Variants in NRXN3 observed in about 807,000 individuals in gnomAD.
The protein encoded by NRXN3 is neurexin 3.
NRXN3 carries 32 observed loss-of-function variants against 137.6 expected under a neutral mutation model. The ratio of observed to expected loss-of-function variants is 0.23; its 90% CI spans 0.18 to 0.31. The LOEUF is 0.31. NRXN3 is among the 10% of genes least tolerant of loss of function. NRXN3 has a pLI of 1.00. For synonymous variants in NRXN3, 798 were observed against 784.5 expected (o/e 1.02, Z -0.29); for missense variants, 1,574 against 2,062.5 (o/e 0.76, Z 4.59).
chr14:78,378,217 G>T (rs2088271813), intron 4 of NRXN3, among the ~76,000 whole-genome samples: 1 of 152,182 alleles, frequency 6.6e-6, no homozygotes, highest in South Asian at 2.1e-4. Context: ...GGGAACGGTG[G>T]CTCACGCCTA....
chr14:78,721,936 C>CTT (rs1347232507), intron 8 of NRXN3, among the ~76,000 whole-genome samples: 1 of 145,014 alleles, frequency 6.9e-6, no homozygotes, highest in African/African-American at 2.8e-5. Context: ...CAGATTCAGC[C>CTT]TCTTTTTTTT....
intron 1 of NRXN3, among the ~76,000 whole-genome samples, chr14:78,173,110 A>G (rs970234878): frequency 6.6e-6 from 1 of 151,914 alleles, no homozygotes; most frequent in African/African-American, 2.4e-5. Context: ...TTTGGGTGGT[A>G]GGGGATGAGA....
intron 15 of NRXN3, among the ~76,000 whole-genome samples, chr14:79,306,136 G>A (rs2086020354): frequency 6.6e-6 from 1 of 152,096 alleles, no homozygotes; most frequent in Non-Finnish European, 1.5e-5. Flanking sequence ...GAGCTTCTCT[G>A]TGAGCTGGGA....
In NRXN3 at chr14:78,212,901, TA is replaced by T. The variant is rs150095910; in HGVS notation, c.-703-29482del. ...ATACCAAAAACAAAACAAAATGAAA[TA>T]AAAAAAAGTGGAGCTTTTCTGGTTA... On this transcript the variant is annotated intron_variant, in intron 1 of 20. Coordinates refer to ENST00000335750, the MANE Select transcript of NRXN3 (RefSeq NM_001330195.2). Among the ~76,000 whole-genome samples, 707 of 151,948 alleles carry T rather than the reference TA, an allele frequency of 4.7e-3. 16 individuals are homozygous for T. The East Asian group carries it at 0.087, about 19-fold the overall frequency.
intron 16 of NRXN3, among the ~76,000 whole-genome samples, chr14:79,530,831 A>G (rs2153718806): frequency 6.6e-6 from 1 of 152,310 alleles, no homozygotes; most frequent in African/African-American, 2.4e-5. Context: ...TAGGTACAGC[A>G]TTATCAAACC....
rs115743123 is a variant in NRXN3 at position 78,347,501 on chromosome 14, G to A, written c.757+49641G>A. Among the ~76,000 whole-genome samples, 677 of 152,240 alleles carry A rather than the reference G, an allele frequency of 4.4e-3. 8 individuals are homozygous for A. Among genetic ancestry groups the A allele is most frequent in the African/African-American group, 0.015 (641 of 41,546 alleles). Reference sequence around the variant, plus strand: ...GACAATGTATACTTTCTAAGCTGTTGCCACGCTGAAATTTCCCCTTCATTC... The same window carrying A: ...GACAATGTATACTTTCTAAGCTGTTACCACGCTGAAATTTCCCCTTCATTC... On this transcript the variant is annotated intron_variant, in intron 4 of 20. Transcript: ENST00000335750.
chr14:79,615,869 A>G (rs898482874), intron 16 of NRXN3, among the ~76,000 whole-genome samples: 1 of 152,206 alleles, frequency 6.6e-6, no homozygotes, highest in Admixed American at 6.5e-5. Flanking sequence ...AATCATATCA[A>G]TGTATTAAAA....
chr14:78,816,091 A>G (rs2153110902), intron 10 of NRXN3, among the ~76,000 whole-genome samples: 1 of 152,304 alleles, frequency 6.6e-6, no homozygotes, highest in Non-Finnish European at 1.5e-5. Flanking sequence ...AAGTGTAACA[A>G]TATTTATCGT....
intron 8 of NRXN3, among the ~76,000 whole-genome samples, chr14:78,728,024 T>G (rs185768192): frequency 6.6e-6 from 1 of 152,306 alleles, no homozygotes; most frequent in Admixed American, 6.5e-5. Flanking sequence ...TCAAAGTGAT[T>G]ATATAACTTG....
chr14:78,529,561 A>G (rs1230868273), intron 4 of NRXN3, among the ~76,000 whole-genome samples: 2 of 152,192 alleles, frequency 1.3e-5, no homozygotes, highest in Non-Finnish European at 2.9e-5. Flanking sequence ...ACCTATCCAT[A>G]GAACCTCCTT....
intron 10 of NRXN3, among the ~76,000 whole-genome samples, chr14:78,884,935 G>A (rs982358147): frequency 9.3e-5 from 14 of 150,820 alleles, no homozygotes; most frequent in East Asian, 2.1e-4. Context: ...GTATTAAAGC[G>A]TACCTGACAC....
chr14:78,313,032 G>C (rs754780978), intron 4 of NRXN3, among the ~76,000 whole-genome samples: 1 of 152,184 alleles, frequency 6.6e-6, no homozygotes, highest in Non-Finnish European at 1.5e-5. Flanking sequence ...ATCAGCTACT[G>C]TAGAAATAAA....
At chr14:78,996,838 T>A (rs1164003418) in intron 15 of NRXN3, among the ~76,000 whole-genome samples, 7 of 152,108 alleles carry the variant, frequency 4.6e-5, no homozygotes, top group Non-Finnish European at 1.0e-4. Flanking sequence ...GCATCTGTTT[T>A]TATTCTCGGG....
At chr14:79,538,949 G>A (rs1248905676) in intron 16 of NRXN3, among the ~76,000 whole-genome samples, 1 of 152,146 alleles carries the variant, frequency 6.6e-6, no homozygotes, top group African/African-American at 2.4e-5. Flanking sequence ...TGTTTATAAA[G>A]TGACCCTGTG....
intron 10 of NRXN3, among the ~76,000 whole-genome samples, chr14:78,824,056 G>A (rs942778789): frequency 7.3e-5 from 11 of 150,624 alleles, no homozygotes; most frequent in South Asian, 4.2e-4. Flanking sequence ...TCTGGTTGTG[G>A]CCTCAGGTGA....
intron 4 of NRXN3, among the ~76,000 whole-genome samples, chr14:78,525,610 G>A (rs1414175028): frequency 6.6e-6 from 1 of 152,082 alleles, no homozygotes; most frequent in Non-Finnish European, 1.5e-5. Context: ...CCCTCAGCTG[G>A]ACTTCATGCC....
intron 19 of NRXN3, among the ~76,000 whole-genome samples, chr14:79,736,826 C>T (rs944019908): frequency 6.6e-6 from 1 of 152,154 alleles, no homozygotes; most frequent in Non-Finnish European, 1.5e-5. Flanking sequence ...CAGCTTCTCT[C>T]CCAACACTCA....
At chr14:78,346,164 C>T (rs1471931349) in intron 4 of NRXN3, among the ~76,000 whole-genome samples, 1 of 152,164 alleles carries the variant, frequency 6.6e-6, no homozygotes, top group Non-Finnish European at 1.5e-5. Flanking sequence ...GCATGATTCT[C>T]CCAGCAACCA....
chr14:78,385,290 A>AACACACACACACACACACACACAC (rs34246142), intron 4 of NRXN3, among the ~76,000 whole-genome samples: 1 of 147,378 alleles, frequency 6.8e-6, no homozygotes, highest in African/African-American at 2.5e-5. Context: ...AACTTTAAGC[A>AACACACACACACACACACACACAC]ACACACACAC....
Sources: allele counts gnomAD v4.1 joint callset (sites outside exome capture counted in the v4.1 genomes callset), GRCh38; gene constraint gnomAD v4.1.1; transcripts MANE v1.5; gene names NCBI Gene and HGNC (gene_info 2026-07-23, HGNC 2026-07-21).